TAFA2: variants seen among roughly 807,000 people sequenced by gnomAD.
TAFA2 encodes the protein chemokine-like protein TAFA-2.
In TAFA2, 7 loss-of-function variants were observed where a neutral mutation model predicts 18.8. The observed-to-expected ratio is 0.37, with a 90% CI of 0.21 to 0.70. TAFA2 has a LOEUF of 0.70. TAFA2 is among the 30% of genes least tolerant of loss of function. The pLI, the probability that TAFA2 is intolerant of heterozygous loss-of-function variation, is 0.53. For missense variants in TAFA2, 122 were observed against 158.1 expected (o/e 0.77, Z 1.23); for synonymous variants, 60 against 54.2 (o/e 1.11, Z -0.47).
intron 1 of TAFA2, among the ~76,000 whole-genome samples, chr12:61,970,732 G>A (rs1879219038): frequency 6.7e-6 from 1 of 150,102 alleles, no homozygotes; most frequent in Non-Finnish European, 1.5e-5. Context: ...AGTAGTTATA[G>A]AAACAAGAGT....
At position 62,153,716 on chromosome 12, in the gene TAFA2, C is replaced by T. The variant is rs141886944; in HGVS notation, c.-2+37543G>A. 1.1e-4 allele frequency among the ~76,000 whole-genome samples: 16 copies of T among 151,236 alleles called. No homozygotes were observed. The East Asian group carries it at 3.1e-3, about 29-fold the overall frequency. ...TTGTGTGCTATAAATAAAGCAATGT[C>T]GTATAGTGGAAAAGAGTATAGGATG... On this transcript the variant is annotated intron_variant, in intron 1 of 4. Coordinates refer to ENST00000416284, the MANE Select transcript of TAFA2 (RefSeq NM_178539.5).
intron 2 of TAFA2, among the ~76,000 whole-genome samples, chr12:61,808,492 C>T (rs1871721678): frequency 6.6e-6 from 1 of 151,224 alleles, no homozygotes; most frequent in Non-Finnish European, 1.5e-5. Context: ...ATAGAAAATA[C>T]CTGTAGTAAC....
chr12:62,067,003 A>T (rs902667478), intron 1 of TAFA2, among the ~76,000 whole-genome samples: 2 of 152,068 alleles, frequency 1.3e-5, no homozygotes, highest in Admixed American at 6.5e-5. Flanking sequence ...GATAAAAGCC[A>T]TTTTAACTGG....
chr12:61,987,393 G>C (rs1296297094), intron 1 of TAFA2, among the ~76,000 whole-genome samples: 3 of 152,176 alleles, frequency 2.0e-5, no homozygotes, highest in Non-Finnish European at 2.9e-5. Context: ...GAAATAAACA[G>C]TTCTGGTCAA....
At chr12:61,839,039 G>A (rs1031509862) in intron 2 of TAFA2, among the ~76,000 whole-genome samples, 1 of 151,974 alleles carries the variant, frequency 6.6e-6, no homozygotes, top group South Asian at 2.1e-4. Context: ...TAGAAAGTGC[G>A]CAAACGGTGG....
intron 1 of TAFA2, among the ~76,000 whole-genome samples, chr12:61,973,339 T>C (rs1879314807): frequency 6.6e-6 from 1 of 151,556 alleles, no homozygotes; most frequent in Non-Finnish European, 1.5e-5. Context: ...CCCCCAAGGA[T>C]GACTACATGT....
chr12:61,747,419 T>C (rs1868771942), intron 4 of TAFA2, among the ~76,000 whole-genome samples: 1 of 147,236 alleles, frequency 6.8e-6, no homozygotes, highest in African/African-American at 2.6e-5. Context: ...TGCACACGTA[T>C]GTTTATTGCG....
chr12:62,100,553 C>A (rs533793645), intron 1 of TAFA2, among the ~76,000 whole-genome samples: 1 of 152,274 alleles, frequency 6.6e-6, no homozygotes, highest in South Asian at 2.1e-4. Context: ...CCTTACCCAC[C>A]TGTTAGATCA....
chr12:61,942,435 G>A (rs369021099), intron 1 of TAFA2, among the ~76,000 whole-genome samples: 3 of 151,284 alleles, frequency 2.0e-5, no homozygotes, highest in Non-Finnish European at 4.4e-5. Context: ...CACCAGCAAT[G>A]GAACAAAGCT....
chr12:61,853,608 G>A (rs1438112740), intron 2 of TAFA2, among the ~76,000 whole-genome samples: 2 of 152,160 alleles, frequency 1.3e-5, no homozygotes, highest in African/African-American at 4.8e-5. Flanking sequence ...CCTGGAAGGA[G>A]TGAGGGCTAT....
chr12:61,883,549 A>G (rs1875241871), intron 1 of TAFA2, among the ~76,000 whole-genome samples: 1 of 152,214 alleles, frequency 6.6e-6, no homozygotes, highest in Non-Finnish European at 1.5e-5. Flanking sequence ...TGCTTCCTTC[A>G]AAGGACTTGT....
intron 2 of TAFA2, among the ~76,000 whole-genome samples, chr12:61,788,133 T>C (rs1280114560): frequency 6.6e-6 from 1 of 151,606 alleles, no homozygotes; most frequent in African/African-American, 2.4e-5. Flanking sequence ...GATAGAAATA[T>C]CTATTCAGCA....
chr12:62,123,772 C>CCACACACACACACACACACA (rs369871302), intron 1 of TAFA2, among the ~76,000 whole-genome samples: 15 of 68,996 alleles, frequency 2.2e-4, no homozygotes, highest in African/African-American at 9.2e-4. Flanking sequence ...ATCTCCCCCA[C>CCACACACACACACACACACA]CACACACATA....
chr12:62,094,350 C>T (rs370828125), intron 1 of TAFA2, among the ~76,000 whole-genome samples: 9 of 151,780 alleles, frequency 5.9e-5, no homozygotes, highest in Admixed American at 1.3e-4. Context: ...TGGGAAGAGG[C>T]GGTGAAGGAC....
In TAFA2 at chr12:61,818,667, A is replaced by G. The variant is rs145981178; in HGVS notation, c.106+48653T>C. On this transcript the variant is annotated intron_variant, in intron 2 of 4. Transcript: ENST00000416284. ...ACTCTTCCTTACTGGGGTCCCTGAG[A>G]TAGTTCCAACTCACAAAACCCAAAG... 1.3e-3 allele frequency among the ~76,000 whole-genome samples: 197 copies of G among 152,254 alleles called. 2 individuals carry two copies. The highest frequency in any genetic ancestry group is 4.6e-3 in the African/African-American group (190 of 41,546).
intron 1 of TAFA2, among the ~76,000 whole-genome samples, chr12:61,940,259 C>T (rs1174727612): frequency 1.3e-5 from 2 of 152,188 alleles, no homozygotes; most frequent in African/African-American, 4.8e-5. Flanking sequence ...TGGTTTAATG[C>T]CCTGCTATTG....
intron 2 of TAFA2, among the ~76,000 whole-genome samples, chr12:61,849,359 T>G (rs997729642): frequency 6.6e-6 from 1 of 152,238 alleles, no homozygotes; most frequent in Admixed American, 6.5e-5. Flanking sequence ...TCTACAAATG[T>G]AGTCTTCTGT....
intron 1 of TAFA2, among the ~76,000 whole-genome samples, chr12:61,911,365 A>C (rs149815225): frequency 1.0e-3 from 158 of 152,220 alleles, no homozygotes; most frequent in Middle Eastern, 0.01. Flanking sequence ...CAGTCAACAA[A>C]CCTGTCATTT....
intron 1 of TAFA2, among the ~76,000 whole-genome samples, chr12:62,018,349 A>T (rs1365921292): frequency 6.6e-6 from 1 of 152,194 alleles, no homozygotes; most frequent in Non-Finnish European, 1.5e-5. Context: ...AAGAATAGCA[A>T]TCCATGTATA....
Sources: allele counts gnomAD v4.1 joint callset (sites outside exome capture counted in the v4.1 genomes callset), GRCh38; gene constraint gnomAD v4.1.1; transcripts MANE v1.5; gene names NCBI Gene and HGNC (gene_info 2026-07-23, HGNC 2026-07-21).